The following ZNF644 variants were observed in gnomAD, a reference collection of about 807,000 sequenced individuals.
ZNF644 encodes zinc finger motif enhancer binding protein 2.
A neutral mutation model predicts 108.0 loss-of-function variants in ZNF644; 20 were observed. That is an observed-to-expected ratio of 0.19 (90% CI 0.13 to 0.27). The LOEUF (loss-of-function observed/expected upper bound fraction) is 0.27, where lower values mean the gene tolerates loss of function less well. Ranked by LOEUF, ZNF644 falls within the 10% of genes least tolerant of loss-of-function variation. The pLI is 1.00. For missense variants in ZNF644, 1,338 were observed against 1,548.9 expected, an observed-to-expected ratio of 0.86 and a Z score of 2.29; for synonymous variants, 542 against 539.1, an observed-to-expected ratio of 1.01 and a Z score of -0.08.
At chr1:90,952,689 CAG>C (rs1653298160) in intron 2 of ZNF644, among the ~76,000 whole-genome samples, 2 of 151,798 alleles carry the variant, frequency 1.3e-5, no homozygotes, top group African/African-American at 4.8e-5. Flanking sequence ...GGATGGAAAA[CAG>C]AGAAAAGAGT....
intron 2 of ZNF644, among the ~76,000 whole-genome samples, chr1:90,977,838 G>GT (rs1428151638): frequency 6.6e-6 from 1 of 152,012 alleles, no homozygotes; most frequent in Non-Finnish European, 1.5e-5. Context: ...TATTAATAAG[G>GT]TAACAGTTAT....
intron 4 of ZNF644, among the ~76,000 whole-genome samples, chr1:90,926,799 T>A (rs186561590): frequency 1.3e-5 from 2 of 152,168 alleles, no homozygotes; most frequent in Admixed American, 1.3e-4. Flanking sequence ...GTCACTGACC[T>A]GGTACAGGAC....
chr1:91,002,175 C>T (rs972919999), intron 1 of ZNF644, among the ~76,000 whole-genome samples: 3 of 152,154 alleles, frequency 2.0e-5, no homozygotes, highest in Non-Finnish European at 4.4e-5. Context: ...CTGGAAAAAA[C>T]TACTTTAAAG....
intron 1 of ZNF644, among the ~76,000 whole-genome samples, chr1:91,009,276 A>G (rs779906410): frequency 1.1e-4 from 17 of 151,836 alleles, no homozygotes; most frequent in Non-Finnish European, 2.2e-4. Context: ...GTATCTTAAA[A>G]CTCTAAAACT....
intron 2 of ZNF644, among the ~76,000 whole-genome samples, chr1:90,943,395 T>C (rs28407700): frequency 0.013 from 1,927 of 152,188 alleles, 39 homozygotes; most frequent in African/African-American, 0.044. Context: ...GAGCCAAGAT[T>C]GCGCCATTGC....
intron 1 of ZNF644, among the ~76,000 whole-genome samples, chr1:91,012,596 C>A (rs1047327791): frequency 1.3e-5 from 2 of 152,102 alleles, no homozygotes; most frequent in Admixed American, 1.3e-4. Context: ...GGAGGGAGCA[C>A]AAGGCACCTT....
At chr1:90,925,596 CAT>C (rs1034372517) in intron 4 of ZNF644, among the ~76,000 whole-genome samples, 7 of 147,194 alleles carry the variant, frequency 4.8e-5, no homozygotes, top group African/African-American at 1.5e-4. Flanking sequence ...GATTCCCAAA[CAT>C]ATATTAAAAA....
chr1:91,021,579 G>A (rs968661674), intron 1 of ZNF644: 4 of 155,136 alleles, frequency 2.6e-5, no homozygotes, highest in Admixed American at 6.5e-5. Flanking sequence ...CAAGTCTAGT[G>A]CCCAGCTCAG....
chr1:90,941,033 G>A lies in ZNF644; in HGVS notation c.321C>T (p.Asn107=), dbSNP rs139524523. ...HAGAPTVSSE[N]FILPKGAAVN... is the part of the protein sequence containing the mutation. ...CAGCAGCTCCTTTAGGCAAGATAAAGTTTTCACTAGAAACAGTAGGAGCAC... is the reference window on the plus strand; with the variant it reads ...CAGCAGCTCCTTTAGGCAAGATAAAATTTTCACTAGAAACAGTAGGAGCAC... The change falls in exon 3 of 6, where the codon AAC becomes AAT. Residue 107 remains asparagine, a synonymous_variant. Transcript: ENST00000337393. The A allele has an allele frequency of 4.9e-4, 796 of 1,614,096 alleles. 4 individuals are homozygous for A. The African/African-American group carries it at 9.5e-3, about 19-fold the overall frequency.
At chr1:90,924,919 C>T (rs1649854573) in intron 4 of ZNF644, among the ~76,000 whole-genome samples, 2 of 152,100 alleles carry the variant, frequency 1.3e-5, no homozygotes, top group Non-Finnish European at 2.9e-5. Flanking sequence ...ACCAATAAGC[C>T]ATCCTTTTGC....
intron 2 of ZNF644, among the ~76,000 whole-genome samples, chr1:90,952,469 G>A (rs497891): frequency 0.14 from 20,840 of 151,910 alleles, 1,487 homozygotes; most frequent in African/African-American, 0.16. Context: ...CAACAACTAG[G>A]CATTTTTTTC....
chr1:90,926,657 T>A (rs2100829875), intron 4 of ZNF644, among the ~76,000 whole-genome samples: 1 of 152,312 alleles, frequency 6.6e-6, no homozygotes, highest in East Asian at 1.9e-4. Context: ...TTAACTGTAC[T>A]GGTATAACCA....
intron 2 of ZNF644, among the ~76,000 whole-genome samples, chr1:90,948,533 C>G (rs763347728): frequency 6.6e-6 from 1 of 152,210 alleles, no homozygotes; most frequent in Non-Finnish European, 1.5e-5. Context: ...TCTACGCATA[C>G]TTAAGTCCCC....
At position 90,926,461 on chromosome 1, in the gene ZNF644, T is replaced by C. The variant is rs79105068; in HGVS notation, c.3689-8307A>G. 6.6e-4 allele frequency among the ~76,000 whole-genome samples: 100 copies of C among 152,304 alleles called. 1 individual carries two copies. Among genetic ancestry groups the C allele is most frequent in the African/African-American group, 2.3e-3 (97 of 41,570 alleles). On this transcript the variant is annotated intron_variant, in intron 4 of 5. Transcript: ENST00000337393. ...CTTGCTTTTGGTCTCTGTCTGAGGA[T>C]ACACTTCCAAGCCTGCAGGCTTCAA...
At chr1:90,993,059 A>G (rs1482685099) in intron 1 of ZNF644, among the ~76,000 whole-genome samples, 1 of 152,144 alleles carries the variant, frequency 6.6e-6, no homozygotes, top group Admixed American at 6.5e-5. Context: ...AAATAAAAAG[A>G]AAAAAGAAGT....
intron 1 of ZNF644, among the ~76,000 whole-genome samples, chr1:91,000,676 C>G (rs1226785158): frequency 1.3e-5 from 2 of 152,052 alleles, no homozygotes; most frequent in African/African-American, 2.4e-5. Flanking sequence ...CAAGAAATAA[C>G]TAAGATCAGA....
chr1:90,958,008 T>C (rs1653922931), intron 2 of ZNF644, among the ~76,000 whole-genome samples: 1 of 151,412 alleles, frequency 6.6e-6, no homozygotes, highest in African/African-American at 2.4e-5. Flanking sequence ...ATTAAGAAAA[T>C]AAATCCATTT....
chr1:90,976,388 T>C (rs1042205968), intron 2 of ZNF644, among the ~76,000 whole-genome samples: 1 of 152,182 alleles, frequency 6.6e-6, no homozygotes, highest in African/African-American at 2.4e-5. Flanking sequence ...TATAGCACAG[T>C]GCCTAGAATA....
At chr1:90,959,944 A>G (rs866790886) in intron 2 of ZNF644, among the ~76,000 whole-genome samples, 7 of 152,170 alleles carry the variant, frequency 4.6e-5, no homozygotes, top group Non-Finnish European at 8.8e-5. Context: ...TATTCTACGG[A>G]GCTTGATGAC....
Sources: allele counts gnomAD v4.1 joint callset (sites outside exome capture counted in the v4.1 genomes callset), GRCh38; gene constraint gnomAD v4.1.1; transcripts MANE v1.5; gene names NCBI Gene and HGNC (gene_info 2026-07-23, HGNC 2026-07-21).